BCAP29: variants seen among roughly 807,000 people sequenced by gnomAD.
BCAP29 encodes the protein B-cell receptor-associated protein 29.
Under a neutral mutation model 31.8 loss-of-function variants are expected in BCAP29, and 34 were observed. The observed-to-expected ratio is 1.07, with a 90% CI of 0.81 to 1.42. The LOEUF (loss-of-function observed/expected upper bound fraction) is 1.42. BCAP29 is among the 40% of genes most tolerant of loss of function. The pLI is 0.00. For synonymous variants in BCAP29, 104 were observed against 91.3 expected (o/e 1.14, Z -0.79); for missense variants, 314 against 269.2 (o/e 1.17, Z -1.16).
At chr7:107,621,132 G>A (rs73421411), downstream of BCAP29, 16,429 of 153,052 alleles carry the variant, frequency 0.11, 2,275 homozygotes, top group African/African-American at 0.32. Context: ...CCATCTGTGC[G>A]CCACCACCAG....
intron 4 of BCAP29, among the ~76,000 whole-genome samples, chr7:107,595,544 A>T (rs1195096220): frequency 6.6e-6 from 1 of 152,218 alleles, no homozygotes; most frequent in African/African-American, 2.4e-5. Flanking sequence ...GGCCAAAAAA[A>T]ATAATTCTCC....
chr7:107,608,873 T>C (rs1812641990), intron 6 of BCAP29, among the ~76,000 whole-genome samples: 1 of 152,236 alleles, frequency 6.6e-6, no homozygotes, highest in East Asian at 1.9e-4. Flanking sequence ...GCTTAAAGCT[T>C]ACACTTTTCA....
chr7:107,612,437 A>ATATATATATATATATATT (rs771741951), intron 6 of BCAP29, among the ~76,000 whole-genome samples: 7 of 113,244 alleles, frequency 6.2e-5, no homozygotes, highest in Non-Finnish European at 8.9e-5. Context: ...ATATATATAT[A>ATATATATATATATATATT]TATTTATTTT....
intron 2 of BCAP29, 139 bp downstream of exon 2, chr7:107,581,003 A>C: frequency 1.9e-6 from 1 of 519,782 alleles, no homozygotes; most frequent in Non-Finnish European, 3.3e-6. Context: ...ATATAATGAC[A>C]ATATTAAAAT....
At position 107,590,002 on chromosome 7, in the gene BCAP29, G is replaced by T. The variant is rs912054789; in HGVS notation, c.194-3953G>T. 5.9e-5 allele frequency among the ~76,000 whole-genome samples: 9 copies of T among 152,172 alleles called. 1 individual carries two copies. The highest frequency in any genetic ancestry group is 5.9e-4 in the Admixed American group (9 of 15,286). Reference sequence around the variant, plus strand: ...ACAGAAATCTGGAAAACCTATACATGTTTGAAAATTAAACAAGACTTGTTA... The same window carrying T: ...ACAGAAATCTGGAAAACCTATACATTTTTGAAAATTAAACAAGACTTGTTA... On this transcript the variant is annotated intron_variant, in intron 3 of 7. Coordinates refer to ENST00000005259, the MANE Select transcript of BCAP29 (RefSeq NM_018844.4).
Position 107,594,489 on chromosome 7 carries a change from T to TTTTGTTTGTTTG in BCAP29, c.344+400_344+411dup, listed in dbSNP as rs71134271. Among the ~76,000 whole-genome samples, 1,305 of 149,578 alleles carry TTTTGTTTGTTTG rather than the reference T, an allele frequency of 8.7e-3. 16 individuals are homozygous for TTTTGTTTGTTTG. Among genetic ancestry groups the TTTTGTTTGTTTG allele is most frequent in the African/African-American group, 0.022 (878 of 40,430 alleles). On this transcript the variant is annotated intron_variant, in intron 4 of 7. Coordinates refer to ENST00000005259, the MANE Select transcript of BCAP29 (RefSeq NM_018844.4). ...AGTCACTGTACCCAGCCTACTGTAG[T>TTTTGTTTGTTTG]TTTGTTTGTTTGTTTGTTTGTTTGT...
intron 3 of BCAP29, among the ~76,000 whole-genome samples, chr7:107,588,684 A>G (rs1255553299): frequency 6.6e-6 from 1 of 152,180 alleles, no homozygotes; most frequent in Non-Finnish European, 1.5e-5. Context: ...ATAGACAACG[A>G]TATAGAACTC....
chr7:107,613,415 G>C lies in BCAP29; in HGVS notation c.673G>C (p.Glu225Gln). ...GAAAGAATATGATCAACTCCTGAAA[G>C]AACACTCTGAACTTCAGGTGGGTGT... ...LSKEYDQLLK[E>Q]HSELQDRLER... Residue 225 changes from glutamate to glutamine, a missense_variant, in exon 7 of 8, where the codon GAA becomes CAA. Transcript: ENST00000005259. 1 of 1,607,126 alleles carries C rather than the reference G, an allele frequency of 6.2e-7. No individual in the cohort carries two copies. Among genetic ancestry groups the C allele is most frequent in the Non-Finnish European group, 8.5e-7 (1 of 1,174,176 alleles).
At chr7:107,584,959 A>G (rs1807371913) in intron 3 of BCAP29, among the ~76,000 whole-genome samples, 1 of 152,200 alleles carries the variant, frequency 6.6e-6, no homozygotes, top group Admixed American at 6.5e-5. Context: ...TTAAATTTTC[A>G]TGGTAACAGT....
intron 6 of BCAP29, among the ~76,000 whole-genome samples, chr7:107,602,229 T>C (rs1811302262): frequency 6.6e-6 from 1 of 152,188 alleles, no homozygotes; most frequent in African/African-American, 2.4e-5. Flanking sequence ...GCAAGACATA[T>C]AATATTTTAT....
rs768022340 is a variant in BCAP29, at chr7:107,613,333, CCT to C, written c.592_593del (p.Leu198PhefsTer2). The C allele has an allele frequency of 1.3e-6, 2 of 1,598,270 alleles. No homozygotes were observed. Among genetic ancestry groups the C allele is most frequent in the East Asian group, 4.5e-5 (2 of 44,762 alleles). On this transcript the variant is annotated frameshift_variant and splice_region_variant, in exon 7 of 8. Coordinates refer to ENST00000005259, the MANE Select transcript of BCAP29 (RefSeq NM_018844.4). LOFTEE classifies it high-confidence loss of function. Reference sequence around the variant, plus strand: ...ATAAAACTATTCGATATTTTCTAGCCCTTTCTAAGGCACAAAATGATGTGATG... The same window carrying C: ...ATAAAACTATTCGATATTTTCTAGCCTTCTAAGGCACAAAATGATGTGATG... ...KTELRKTSDA[L>X]SKAQNDVMEM...
At chr7:107,583,098 A>G (rs1426485782) in intron 2 of BCAP29, among the ~76,000 whole-genome samples, 1 of 151,898 alleles carries the variant, frequency 6.6e-6, no homozygotes, top group African/African-American at 2.4e-5. Flanking sequence ...GCCTCCTTTC[A>G]ACTAAAGTGT....
chr7:107,596,002 G>T lies in BCAP29; in HGVS notation c.480G>T (p.Arg160Ser). Reference protein sequence around the residue: ...KFMEENEKLKRILKSHGKDEE... With the variant: ...KFMEENEKLKSILKSHGKDEE... ...TGGAAGAAAACGAAAAACTAAAAAGGGTATTTAATTTTCTTTGTAAAAATT... is the reference window on the plus strand; with the variant it reads ...TGGAAGAAAACGAAAAACTAAAAAGTGTATTTAATTTTCTTTGTAAAAATT... The change falls in exon 5 of 8, where the codon AGG becomes AGT. Residue 160 changes from arginine to serine, a missense_variant and splice_region_variant. Arg to Ser is a moderately radical substitution (Grantham distance 110, BLOSUM62 -1). Transcript: ENST00000005259. The T allele has an allele frequency of 1.3e-6, 2 of 1,556,748 alleles. No individual in the cohort carries two copies. The highest frequency in any genetic ancestry group is 2.5e-5 in the South Asian group (2 of 80,982).
At chr7:107,593,227 A>G (rs1310620909) in intron 3 of BCAP29, among the ~76,000 whole-genome samples, 1 of 152,116 alleles carries the variant, frequency 6.6e-6, no homozygotes, top group Admixed American at 6.6e-5. Context: ...GGCTTTTGAG[A>G]CCTTATAAGG....
intron 5 of BCAP29, among the ~76,000 whole-genome samples, chr7:107,598,043 C>A (rs866524897): frequency 4.6e-5 from 7 of 152,084 alleles, no homozygotes; most frequent in Non-Finnish European, 2.9e-5. Flanking sequence ...CTTTCTCCAG[C>A]GTCAAGTTAC....
chr7:107,597,624 C>A (rs962628253), intron 5 of BCAP29, among the ~76,000 whole-genome samples: 4 of 152,130 alleles, frequency 2.6e-5, no homozygotes, highest in African/African-American at 4.8e-5. Context: ...TTATTATCTG[C>A]ATTTTATAGA....
chr7:107,614,338 CTACCTA>C (rs746405948), intron 7 of BCAP29, among the ~76,000 whole-genome samples: 1 of 152,202 alleles, frequency 6.6e-6, no homozygotes, highest in Non-Finnish European at 1.5e-5. Context: ...CTTGGAATAC[CTACCTA>C]TACCTGGCTG....
chr7:107,601,800 C>G (rs1278816017), intron 6 of BCAP29, among the ~76,000 whole-genome samples: 2 of 152,224 alleles, frequency 1.3e-5, no homozygotes, highest in Admixed American at 6.5e-5. Context: ...AATATTCTTT[C>G]AAAATCCTGC....
intron 7 of BCAP29, among the ~76,000 whole-genome samples, chr7:107,614,467 CTAAA>C (rs1813767186): frequency 6.6e-6 from 1 of 152,110 alleles, no homozygotes; most frequent in South Asian, 2.1e-4. Context: ...GTTAAGAGAA[CTAAA>C]TAAAATGTGT....
Sources: allele counts gnomAD v4.1 joint callset (sites outside exome capture counted in the v4.1 genomes callset), GRCh38; gene constraint gnomAD v4.1.1; transcripts MANE v1.5; gene names NCBI Gene and HGNC (gene_info 2026-07-23, HGNC 2026-07-21).